ADAMTS7: variants seen among roughly 807,000 people sequenced by gnomAD.
The protein encoded by ADAMTS7 is ADAM metallopeptidase with thrombospondin type 1 motif 7.
Under a neutral mutation model 172.6 loss-of-function variants are expected in ADAMTS7, and 89 were observed. The observed-to-expected ratio is 0.52, with a 90% CI of 0.43 to 0.61. The LOEUF (loss-of-function observed/expected upper bound fraction) is 0.61, where lower values mean the gene tolerates loss of function less well. ADAMTS7 is among the 20% of genes least tolerant of loss of function. The probability of loss-of-function intolerance (pLI) is 0.00; values close to 1 mark genes in which losing one functional copy is unlikely to be tolerated. For synonymous variants in ADAMTS7, 885 were observed against 978.4 expected, an observed-to-expected ratio of 0.90 and a Z score of 1.78; for missense variants, 1,973 against 2,355.6, an observed-to-expected ratio of 0.84 and a Z score of 3.36.
chr15:78,804,932 G>A (rs566226061), intron 1 of ADAMTS7, among the ~76,000 whole-genome samples: 221 of 152,294 alleles, frequency 1.5e-3, no homozygotes, highest in Non-Finnish European at 2.3e-3. Flanking sequence ...AAGAGCCTCC[G>A]GGAACTGTGA....
rs1323928338 is a variant in ADAMTS7, at chr15:78,773,307, G to A, written c.2011-104C>T. ...CAGGAGAAGAAAGCTGGGAGTTGGG[G>A]TCGGGAGGCCTCTCTCTGGCCCTGC... On this transcript the variant is annotated intron_variant, in intron 13 of 23. Coordinates refer to ENST00000388820, the MANE Select transcript of ADAMTS7 (RefSeq NM_014272.5). 1.7e-5 allele frequency: 20 copies of A among 1,143,996 alleles called. 3 individuals carry two copies. The Admixed American group carries it at 4.0e-4, about 23-fold the overall frequency. 70.9% of individuals were successfully genotyped at this position (1,143,996 alleles called of 1,614,324 possible). A position where few individuals can be genotyped will look rare whatever the true frequency, so the allele number is the denominator to read the frequency against.
At position 78,760,085 on chromosome 15, in the gene ADAMTS7, T is replaced by G. The variant is rs536502124; in HGVS notation, c.4904-507A>C. On this transcript the variant is annotated intron_variant, in intron 23 of 23. Transcript: ENST00000388820. Reference sequence around the variant, plus strand: ...AGGGGCTGTACTCAGCCTCGGGTTCTGAGTCACAGGGTCCCATCTCCCAGG... The same window carrying G: ...AGGGGCTGTACTCAGCCTCGGGTTCGGAGTCACAGGGTCCCATCTCCCAGG... 7.4e-5 allele frequency among the ~76,000 whole-genome samples: 11 copies of G among 147,982 alleles called. No individual in the cohort carries two copies. The South Asian group carries it at 2.3e-3, about 31-fold the overall frequency.
At chr15:78,806,127 CAAAAAAAA>C (rs1169680816) in intron 1 of ADAMTS7, among the ~76,000 whole-genome samples, 61 of 23,254 alleles carry the variant, frequency 2.6e-3, no homozygotes, top group African/African-American at 6.6e-3. Context: ...CACACACACA[CAAAAAAAA>C]AAAAAAAAAA....
chr15:78,775,534 A>T (rs888068227), intron 11 of ADAMTS7, among the ~76,000 whole-genome samples: 1 of 151,712 alleles, frequency 6.6e-6, no homozygotes, highest in African/African-American at 2.4e-5. Context: ...TTCTCACCAG[A>T]TCTTCACACC....
rs371861678 is a variant in ADAMTS7 at position 78,800,309 on chromosome 15, G to T, written c.339C>A (p.Arg113=). The T allele has an allele frequency of 1.3e-6, 2 of 1,590,242 alleles. No homozygotes were observed. Among genetic ancestry groups the T allele is most frequent in the Non-Finnish European group, 1.7e-6 (2 of 1,172,370 alleles). Residue 113 remains arginine (R), a synonymous_variant, in exon 2 of 24, where the codon CGC becomes CGA. Transcript: ENST00000388820. The part of the protein sequence containing the change: ...APGFVSETRR[R]GGLGRAHIRA... ...GGATGTGCGCGCGGCCCAGGCCGCC[G>T]CGCCGCCGCGTCTCGCTCACAAAGC...
At chr15:78,790,994 A>G in intron 5 of ADAMTS7, 146 bp downstream of exon 5, 1 of 1,226,000 alleles carries the variant, frequency 8.2e-7, no homozygotes, top group Non-Finnish European at 1.1e-6. Flanking sequence ...AGGGTCAGTC[A>G]GGAACCAGGG....
At chr15:78,775,605 T>G (rs1228187699) in intron 11 of ADAMTS7, among the ~76,000 whole-genome samples, 1 of 150,732 alleles carries the variant, frequency 6.6e-6, no homozygotes, top group African/African-American at 2.4e-5. Flanking sequence ...GTGAAGTCGC[T>G]CACGTCAGGC....
chr15:78,788,286 C>T lies in ADAMTS7; in HGVS notation c.1267G>A (p.Ala423Thr), dbSNP rs751279737. 40 of 1,613,636 alleles carry T rather than the reference C, an allele frequency of 2.5e-5. No homozygotes were observed. Among genetic ancestry groups the T allele is most frequent in the East Asian group, 6.7e-5 (3 of 44,894 alleles). Residue 423 changes from alanine to threonine, a missense_variant, in exon 8 of 24, where the codon GCC becomes ACC. Physicochemically the swap from Ala to Thr is moderately conservative, Grantham distance 58 (BLOSUM62 0). This residue lies in a region of ADAMTS7 where 526 missense variants were observed against 662.9 expected (regional missense o/e 0.79). Transcript: ENST00000388820. The stretch of plus-strand genomic sequence containing the variant: ...CAGCGGGACCAGGTGAGGGGAGCGG[C>T]GTCGTACAGGAGCTGTGGAGACATG... ...FIMSPQLLYD[A>T]APLTWSRCSR...
rs564838071 is a variant in ADAMTS7, at chr15:78,772,991, G to A, written c.2131+92C>T. ...TTAGCCATCTCCAGGCTGGGTGGGG[G>A]CCACGAGGCCAAGGACAGGGGCCCA... On this transcript the variant is annotated intron_variant, in intron 14 of 23. Coordinates refer to ENST00000388820, the MANE Select transcript of ADAMTS7 (RefSeq NM_014272.5). 39 of 1,440,054 alleles carry A rather than the reference G, an allele frequency of 2.7e-5. No homozygotes were observed. The East Asian group carries it at 5.0e-4, about 18-fold the overall frequency. 89.2% of individuals were successfully genotyped at this position (1,440,054 alleles called of 1,614,324 possible).
In ADAMTS7 at chr15:78,800,223, C is replaced by T. The variant is rs1254847221; in HGVS notation, c.425G>A (p.Gly142Asp). ...GEVQDPELEG[G>D]LAAISACDGL... ...GTCGCAGGCGCTGATGGCCGCCAGG[C>T]CACCCTCGAGCTCAGGGTCCTGCAC... Residue 142 changes from glycine (G) to aspartate (D), a missense_variant, in exon 2 of 24, where the codon GGC becomes GAC. Around this residue, in one of 8 missense-constraint regions of ADAMTS7, gnomAD observed 306 missense variants for 288.0 expected, o/e 1.06. Coordinates refer to ENST00000388820, the MANE Select transcript of ADAMTS7 (RefSeq NM_014272.5). 1.3e-6 allele frequency: 2 copies of T among 1,594,570 alleles called. No homozygotes were observed. The highest frequency in any genetic ancestry group is 1.1e-5 in the South Asian group (1 of 90,866).
rs138161431 is a variant in ADAMTS7, at chr15:78,802,952, G to A, written c.101-2405C>T. Reference sequence around the variant, plus strand: ...GTGGAGGTTGTAGTGAGCCGAGATCGCATCACTGCACTCCAGCCTGGGCGA... The same window carrying A: ...GTGGAGGTTGTAGTGAGCCGAGATCACATCACTGCACTCCAGCCTGGGCGA... On this transcript the variant is annotated intron_variant, in intron 1 of 23. Coordinates refer to ENST00000388820, the MANE Select transcript of ADAMTS7 (RefSeq NM_014272.5). 1.6e-3 allele frequency among the ~76,000 whole-genome samples: 242 copies of A among 152,146 alleles called. 1 individual carries two copies. The highest frequency in any genetic ancestry group is 3.6e-3 in the African/African-American group (151 of 41,486).
Position 78,777,347 on chromosome 15 carries a change from G to A in ADAMTS7, c.1467+97C>T. On this transcript the variant is annotated intron_variant, in intron 9 of 23. Coordinates refer to ENST00000388820, the MANE Select transcript of ADAMTS7 (RefSeq NM_014272.5). ...AGGGGCGCAGCCCAGGCCAGGAGAG[G>A]TTGCTCCCAGGCTGGCATCCACGGG... The A allele has an allele frequency of 2.0e-6, 3 of 1,468,354 alleles. No individual in the cohort carries two copies. The South Asian group carries it at 4.0e-5, about 19-fold the overall frequency. 91.0% of individuals were successfully genotyped at this position (1,468,354 alleles called of 1,614,324 possible).
At chr15:78,764,817 C>A in intron 19 of ADAMTS7, 110 bp from the exon 20 acceptor site, 1 of 1,203,808 alleles carries the variant, frequency 8.3e-7, no homozygotes, top group Non-Finnish European at 1.1e-6. Flanking sequence ...CAGGGGCCCT[C>A]TTCTGGGCCT....
chr15:78,768,060 T>C, intron 17 of ADAMTS7, 73 bp downstream of exon 17: 1 of 876,812 alleles, frequency 1.1e-6, no homozygotes, highest in Non-Finnish European at 1.6e-6. Flanking sequence ...GGGTGGGGAG[T>C]TGGCGGGGGA....
chr15:78,780,949 C>T (rs1246378608), intron 8 of ADAMTS7, among the ~76,000 whole-genome samples: 1 of 152,114 alleles, frequency 6.6e-6, no homozygotes, highest in African/African-American at 2.4e-5. Context: ...GTGTGAGGGC[C>T]TGGAGGACAG....
chr15:78,798,077 T>G lies in ADAMTS7; in HGVS notation c.493A>C (p.Ile165Leu), dbSNP rs764361293. ...VFQLSNEDYF[I>L]EPLDSAPARP... ...GCCGGGGCACTGTCCAGGGGCTCAA[T>G]GAAGTAGTCCTCGTTGGAGAGCTGG... The change falls in exon 3 of 24, where the codon ATT (isoleucine) becomes CTT (leucine). Residue 165 changes from isoleucine (I) to leucine (L), a missense_variant. Physicochemically the swap from Ile to Leu is conservative, Grantham distance 5. This residue lies in a region of ADAMTS7 where 306 missense variants were observed against 288.0 expected (regional missense o/e 1.06). Coordinates refer to ENST00000388820, the MANE Select transcript of ADAMTS7 (RefSeq NM_014272.5). The G allele has an allele frequency of 1.3e-6, 2 of 1,564,196 alleles. No individual in the cohort carries two copies. Among genetic ancestry groups the G allele is most frequent in the African/African-American group, 2.8e-5 (2 of 70,970 alleles).
intron 19 of ADAMTS7, chr15:78,764,977 A>T: frequency 2.7e-6 from 1 of 371,156 alleles, no homozygotes. Context: ...AGGTGGGGGG[A>T]GGGGACCCTG....
intron 4 of ADAMTS7, among the ~76,000 whole-genome samples, chr15:78,794,307 C>T (rs1373150880): frequency 6.6e-6 from 1 of 152,218 alleles, no homozygotes; most frequent in Non-Finnish European, 1.5e-5. Flanking sequence ...GAACACTGCA[C>T]AAAAGGTAGA....
intron 11 of ADAMTS7, among the ~76,000 whole-genome samples, chr15:78,775,685 G>C (rs1416165666): frequency 1.3e-5 from 2 of 152,166 alleles, no homozygotes; most frequent in African/African-American, 4.8e-5. Flanking sequence ...AGCCTCTGAG[G>C]CCACCAAGCC....
Sources: allele counts gnomAD v4.1 joint callset (sites outside exome capture counted in the v4.1 genomes callset), GRCh38; gene constraint gnomAD v4.1.1; regional missense constraint gnomAD v4.1.1; transcripts MANE v1.5; gene names NCBI Gene and HGNC (gene_info 2026-07-23, HGNC 2026-07-21).